SFXN5: variants seen among roughly 807,000 people sequenced by gnomAD.
SFXN5 encodes the protein sideroflexin-5.
In SFXN5, 43 loss-of-function variants were observed where a neutral mutation model predicts 50.2. The observed-to-expected ratio is 0.86, with a 90% CI of 0.67 to 1.11. SFXN5 has a LOEUF of 1.11. SFXN5 is among the 50% of genes least tolerant of loss of function. The pLI, the probability that SFXN5 is intolerant of heterozygous loss-of-function variation, is 0.00. For synonymous variants in SFXN5, 203 were observed against 185.8 expected, an observed-to-expected ratio of 1.09 and a Z score of -0.75; for missense variants, 463 against 454.1, an observed-to-expected ratio of 1.02 and a Z score of -0.18.
At chr2:73,054,279 A>G (rs767937670) in intron 2 of SFXN5, among the ~76,000 whole-genome samples, 11 of 152,234 alleles carry the variant, frequency 7.2e-5, no homozygotes, top group Admixed American at 5.9e-4. Flanking sequence ...GACAGAAAGG[A>G]ACATTGAAAT....
rs2105301746 is a variant in SFXN5 at position 72,945,827 on chromosome 2, A to G, written c.946-728T>C. ...GCTGGACCCCCAACCACTGCAGACA[A>G]CCACCCCACCCCTGCCCCCATAGCC... On this transcript the variant is annotated intron_variant, in intron 13 of 13. Transcript: ENST00000272433. The surrounding 1 kb of genome is among the most constrained non-coding windows in gnomAD (Gnocchi z 5.8). 6.6e-6 allele frequency among the ~76,000 whole-genome samples: 1 copy of G among 151,236 alleles called. No homozygotes were observed. The highest frequency in any genetic ancestry group is 2.4e-5 in the African/African-American group (1 of 41,176).
At chr2:73,047,275 T>TATATATATATATATATACAC (rs1300799277) in intron 2 of SFXN5, among the ~76,000 whole-genome samples, 1 of 51,764 alleles carries the variant, frequency 1.9e-5, no homozygotes, top group African/African-American at 8.1e-5. Context: ...TATATATATA[T>TATATATATATATATATACAC]ACACACATAT....
intron 9 of SFXN5, among the ~76,000 whole-genome samples, chr2:72,995,625 C>T (rs1047958323): frequency 6.6e-6 from 1 of 152,040 alleles, no homozygotes; most frequent in Admixed American, 6.5e-5. Context: ...TGTAGGGACT[C>T]GTTTTAATTA....
chr2:72,947,200 G>A (rs115483946), intron 13 of SFXN5, among the ~76,000 whole-genome samples: 1,853 of 152,264 alleles, frequency 0.012, 40 homozygotes, highest in African/African-American at 0.043. Context: ...GATCTGTCTC[G>A]CCCCTGTGTC....
intron 2 of SFXN5, among the ~76,000 whole-genome samples, chr2:73,057,033 A>G (rs1015605896): frequency 6.6e-6 from 1 of 152,252 alleles, no homozygotes. Context: ...GTGTTTATCA[A>G]CAAGTGAATG....
intron 12 of SFXN5, among the ~76,000 whole-genome samples, chr2:72,966,131 A>G (rs1389453707): frequency 6.6e-6 from 1 of 152,132 alleles, no homozygotes; most frequent in Non-Finnish European, 1.5e-5. Flanking sequence ...ACGAGACTCC[A>G]TCCTCCCTGG....
chr2:72,972,021 G>A (rs1475595802), intron 10 of SFXN5, among the ~76,000 whole-genome samples: 1 of 152,204 alleles, frequency 6.6e-6, no homozygotes, highest in Non-Finnish European at 1.5e-5. Flanking sequence ...ATCTGGGAGG[G>A]CTCTCTGACC....
At chr2:72,955,037 G>A (rs1672924011) in intron 13 of SFXN5, among the ~76,000 whole-genome samples, 1 of 152,230 alleles carries the variant, frequency 6.6e-6, no homozygotes. Flanking sequence ...GCAGAGGGCA[G>A]GCCTTGGGGC....
chr2:72,978,815 GT>G lies in SFXN5; in HGVS notation c.626-7131del, dbSNP rs370223450. 2.9e-3 allele frequency among the ~76,000 whole-genome samples: 434 copies of G among 149,598 alleles called. 20 individuals carry two copies. In the East Asian group the frequency reaches 0.066, roughly 23 times the overall value. On this transcript the variant is annotated intron_variant, in intron 10 of 13. Transcript: ENST00000272433. ...CAAAGCTGAGGTAGGGCCCAGATCT[GT>G]TTTTTTTTTAAATTCCCCAGGTGAT...
At position 72,943,740 on chromosome 2, in the gene SFXN5, A is replaced by C. The variant is rs879806963; in HGVS notation, c.*1282T>G. 2 of 152,746 alleles carry C rather than the reference A, an allele frequency of 1.3e-5. No homozygotes were observed. The highest frequency in any genetic ancestry group is 1.5e-5 in the Non-Finnish European group (1 of 68,134). 9.5% of individuals were successfully genotyped at this position (152,746 alleles called of 1,614,324 possible). On this transcript the variant is annotated 3_prime_UTR_variant, in exon 14 of 14. Transcript: ENST00000272433. ...AAGGCAAGGCCTTCTGCTGAGGCCA[A>C]CTGCAGGTCCAAAGGGGCCTGCCCC...
At chr2:73,025,593 G>A (rs183990548) in intron 3 of SFXN5, among the ~76,000 whole-genome samples, 104 of 152,254 alleles carry the variant, frequency 6.8e-4, no homozygotes, top group East Asian at 3.9e-4. Flanking sequence ...AAACCCTCTC[G>A]GGGAGGAAGG....
intron 10 of SFXN5, among the ~76,000 whole-genome samples, 164 bp downstream of exon 10, chr2:72,988,094 G>T (rs916626246): frequency 1.3e-5 from 2 of 152,044 alleles, no homozygotes; most frequent in African/African-American, 4.8e-5. Context: ...TGGTCAGTGG[G>T]ACCCCATGGT....
intron 10 of SFXN5, among the ~76,000 whole-genome samples, 173 bp downstream of exon 10, chr2:72,988,085 G>C (rs1056111096): frequency 2.1e-4 from 32 of 152,222 alleles, no homozygotes. Flanking sequence ...GCACAGAGCT[G>C]GTCAGTGGGA....
rs1011538894 is a variant in SFXN5 at position 72,945,220 on chromosome 2, C to T, written c.946-121G>A. ...TCTGCCCCCTGCACCCCCGTGTCCA[C>T]CCCAGCCAGGGCTCACATGCCCTAC... is the stretch of plus-strand genomic sequence containing the variant. On this transcript the variant is annotated intron_variant, in intron 13 of 13. Coordinates refer to ENST00000272433, the MANE Select transcript of SFXN5 (RefSeq NM_144579.3). The surrounding 1 kb of genome is among the most constrained non-coding windows in gnomAD (Gnocchi z 5.8). The T allele has an allele frequency of 2.3e-6, 2 of 879,376 alleles. No homozygotes were observed. Among genetic ancestry groups the T allele is most frequent in the Non-Finnish European group, 3.6e-6 (2 of 552,316 alleles). The allele number at this position is 879,376 out of a possible 1,614,324, so 54.5% of individuals were successfully genotyped here. A position where few individuals can be genotyped will look rare whatever the true frequency, so the allele number is the denominator to read the frequency against.
In SFXN5 at chr2:73,022,507, G is replaced by GCC. The variant is rs1677018533; in HGVS notation, c.331+13_331+14dup. 6.2e-7 allele frequency: 1 copy of GCC among 1,609,606 alleles called. No homozygotes were observed. Among genetic ancestry groups the GCC allele is most frequent in the Admixed American group, 1.7e-5 (1 of 59,942 alleles). On this transcript the variant is annotated intron_variant, in intron 5 of 13. Coordinates refer to ENST00000272433, the MANE Select transcript of SFXN5 (RefSeq NM_144579.3). ...CCCCAGGCTGACCAGAACCAGAAGG[G>GCC]CCCCAGGAGCTTACCTGACATTCTA... is the stretch of plus-strand genomic sequence containing the variant.
intron 3 of SFXN5, among the ~76,000 whole-genome samples, chr2:73,028,583 G>A (rs1677896303): frequency 6.6e-6 from 1 of 152,194 alleles, no homozygotes; most frequent in Non-Finnish European, 1.5e-5. Flanking sequence ...AAGAATGAGG[G>A]GAGAGAGAAA....
intron 2 of SFXN5, chr2:73,042,727 G>A (rs573179854): frequency 4.6e-5 from 7 of 152,214 alleles, no homozygotes; most frequent in East Asian, 3.9e-4. Context: ...GGGAGGTTGA[G>A]GCTACAGTGA....
intron 7 of SFXN5, 38 bp from the exon 8 acceptor site, chr2:73,000,525 GTCACC>G (rs1039856549): frequency 3.9e-6 from 6 of 1,547,090 alleles, no homozygotes; most frequent in Non-Finnish European, 5.2e-6. Flanking sequence ...GGAAGGAGTG[GTCACC>G]TCCCTGGAAG....
chr2:72,969,864 T>A (rs1559102508), intron 11 of SFXN5, among the ~76,000 whole-genome samples: 1 of 152,094 alleles, frequency 6.6e-6, no homozygotes, highest in African/African-American at 2.4e-5. Flanking sequence ...GGGGCCTTGC[T>A]CCAGGGCCTC....
Sources: gnomAD v4.1 joint callset for allele counts (sites outside exome capture counted in the v4.1 genomes callset) on GRCh38, gnomAD v4.1.1 for gene constraint, Gnocchi (gnomAD v3.1) non-coding constraint, MANE v1.5 for transcripts, NCBI Gene and HGNC (gene_info 2026-07-23, HGNC 2026-07-21) for gene names.